PAK6: variants seen among roughly 807,000 people sequenced by gnomAD.
PAK6 encodes serine/threonine-protein kinase PAK 6.
In PAK6, 33 loss-of-function variants were observed where a neutral mutation model predicts 60.8. The observed-to-expected ratio is 0.54, with a 90% confidence interval of 0.41 to 0.73. The LOEUF (loss-of-function observed/expected upper bound fraction) is 0.73. Ranked by LOEUF, PAK6 falls within the 30% of genes least tolerant of loss-of-function variation. PAK6 has a pLI of 0.00. For missense variants in PAK6, 845 were observed against 904.1 expected, an observed-to-expected ratio of 0.93 and a Z score of 0.84; for synonymous variants, 404 against 378.5, an observed-to-expected ratio of 1.07 and a Z score of -0.78.
chr15:40,270,074 C>T (rs2039260047), intron 5 of PAK6, among the ~76,000 whole-genome samples: 1 of 152,178 alleles, frequency 6.6e-6, no homozygotes, highest in South Asian at 2.1e-4. Flanking sequence ...GCCTGGAGAG[C>T]ATGTTTTCTG....
chr15:40,261,153 G>A (rs1319773052), intron 3 of PAK6, among the ~76,000 whole-genome samples: 1 of 151,652 alleles, frequency 6.6e-6, no homozygotes, highest in Non-Finnish European at 1.5e-5. Flanking sequence ...CTCCCAAAGT[G>A]CTGGGATTAC....
chr15:40,263,014 C>CA lies in PAK6; in HGVS notation c.-5-1765dup, dbSNP rs568123917. Among the ~76,000 whole-genome samples the CA allele has an allele frequency of 1.2e-3, 186 of 152,270 alleles. 1 individual carries two copies. Among genetic ancestry groups the CA allele is most frequent in the East Asian group, 0.011 (58 of 5,182 alleles). ...GGGGTGTTCGGTGGATCCCGAACCT[C>CA]AAGACCCAGAAGCATGGCTGACATT... On this transcript the variant is annotated intron_variant, in intron 3 of 10. Coordinates refer to ENST00000560346, the Ensembl canonical transcript of PAK6.
At chr15:40,257,246 A>G (rs1229145833) in intron 3 of PAK6, among the ~76,000 whole-genome samples, 1 of 152,216 alleles carries the variant, frequency 6.6e-6, no homozygotes, top group Non-Finnish European at 1.5e-5. Context: ...CTTCATTTCT[A>G]ACAGCTTCCC....
At position 40,276,134 on chromosome 15, in the gene PAK6, G is replaced by A. The variant is rs370753710; in HGVS notation, c.*40G>A. 1.6e-5 allele frequency: 25 copies of A among 1,583,956 alleles called. No individual in the cohort carries two copies. The African/African-American group carries it at 3.2e-4, about 20-fold the overall frequency. On this transcript the variant is annotated 3_prime_UTR_variant, in exon 11 of 11. Transcript: ENST00000560346. ...TGCCTGCCACCTACGCCCACAGGCA[G>A]GGCACACTGGGCAGCCAGCCTGCCG...
chr15:40,252,194 GCGGCCCGCTCAGGTCCGGGAGAGT>G, intron 2 of PAK6: 2 of 1,055,762 alleles, frequency 1.9e-6, no homozygotes, highest in East Asian at 6.5e-5. Flanking sequence ...GTGGGCACAC[GCGGCCCGCTCAGGTCCGGGAGAGT>G]CGGCCCGCGG....
At chr15:40,246,565 T>C (rs958219759) in intron 2 of PAK6, 1 of 151,674 alleles carries the variant, frequency 6.6e-6, no homozygotes, top group Non-Finnish European at 1.5e-5. Context: ...GAGGAGAGGG[T>C]GGTCAGGACA....
At chr15:40,261,094 T>C (rs549078754) in intron 3 of PAK6, among the ~76,000 whole-genome samples, 2 of 151,882 alleles carry the variant, frequency 1.3e-5, no homozygotes, top group African/African-American at 2.4e-5. Flanking sequence ...TTCACCGTGT[T>C]AGCCAGGATG....
At chr15:40,258,041 A>G (rs1408131374) in intron 3 of PAK6, among the ~76,000 whole-genome samples, 1 of 152,154 alleles carries the variant, frequency 6.6e-6, no homozygotes, top group Non-Finnish European at 1.5e-5. Flanking sequence ...CTTTTCCTAG[A>G]TGCCAGGCCC....
chr15:40,262,090 T>C (rs1363485612), intron 3 of PAK6, among the ~76,000 whole-genome samples: 1 of 152,192 alleles, frequency 6.6e-6, no homozygotes, highest in African/African-American at 2.4e-5. Context: ...CTTCTTCAGC[T>C]GCAGTCTGTG....
chr15:40,242,613 G>C (rs2038385820), intron 2 of PAK6, among the ~76,000 whole-genome samples: 1 of 152,212 alleles, frequency 6.6e-6, no homozygotes, highest in African/African-American at 2.4e-5. Context: ...GGAAGCTTCT[G>C]AGGGCAGAAT....
intron 2 of PAK6, chr15:40,246,123 A>T (rs1302607404): frequency 6.6e-6 from 1 of 152,112 alleles, no homozygotes; most frequent in Non-Finnish European, 1.5e-5. Context: ...CTAATTTATA[A>T]ATTGATTGAT....
intron 2 of PAK6, chr15:40,246,016 C>T (rs2038486123): frequency 6.6e-6 from 1 of 152,392 alleles, no homozygotes; most frequent in South Asian, 2.1e-4. Context: ...ACAGCCCAGC[C>T]CACGCTTGTC....
In PAK6 at chr15:40,268,836, G is replaced by A. The variant is rs147589493; in HGVS notation, c.858+2341G>A. ...GGCAAACATTGGTTAAGCACCTACC[G>A]TGTACTCCGATATATGTCAAGGATA... On this transcript the variant is annotated intron_variant, in intron 5 of 10. Coordinates refer to ENST00000560346, the Ensembl canonical transcript of PAK6. Among the ~76,000 whole-genome samples, 1,397 of 152,296 alleles carry A rather than the reference G, an allele frequency of 9.2e-3. 7 individuals carry two copies. The highest frequency in any genetic ancestry group is 0.014 in the Non-Finnish European group (959 of 68,020).
chr15:40,252,733 G>A (rs1309845260), intron 2 of PAK6: 1 of 1,302,892 alleles, frequency 7.7e-7, no homozygotes, highest in Non-Finnish European at 1.0e-6. Context: ...GCGAGAGGAC[G>A]GGCCTCCCAA....
chr15:40,253,902 T>C (rs896277688), intron 3 of PAK6, among the ~76,000 whole-genome samples: 1 of 152,126 alleles, frequency 6.6e-6, no homozygotes, highest in Non-Finnish European at 1.5e-5. Context: ...TTGGGGGCTT[T>C]TCTGACTTGT....
intron 9 of PAK6, 70 bp downstream of exon 9, chr15:40,273,746 C>G: frequency 1.9e-6 from 3 of 1,567,442 alleles, no homozygotes; most frequent in Non-Finnish European, 2.6e-6. Context: ...CTGCTGTGGC[C>G]CCTCCAGTGA....
intron 4 of PAK6, 117 bp downstream of exon 4, chr15:40,265,106 C>T (rs1595591149): frequency 2.1e-6 from 2 of 953,614 alleles, no homozygotes; most frequent in Non-Finnish European, 3.1e-6. Flanking sequence ...ATCAGTTAAT[C>T]AGCTGTTTTA....
rs1399526344 is a variant in PAK6, at chr15:40,248,605, C to T, written c.-117-4573C>T. On this transcript the variant is annotated intron_variant, in intron 2 of 10. Transcript: ENST00000560346. ...GGCTTGTGGCCAGGAAAGCCTAGCACCTGATTCCTAGCAGGGAACTCAGTG... is the reference window on the plus strand; with the variant it reads ...GGCTTGTGGCCAGGAAAGCCTAGCATCTGATTCCTAGCAGGGAACTCAGTG... 2.6e-5 allele frequency among the ~76,000 whole-genome samples: 4 copies of T among 152,200 alleles called. No individual in the cohort carries two copies. The East Asian group carries it at 5.8e-4, about 22-fold the overall frequency.
intron 3 of PAK6, among the ~76,000 whole-genome samples, chr15:40,256,451 G>A (rs2038836893): frequency 6.6e-6 from 1 of 152,194 alleles, no homozygotes; most frequent in Non-Finnish European, 1.5e-5. Flanking sequence ...GCATGTCAGG[G>A]CCCAGCCCTG....
Sources: gnomAD v4.1 joint callset for allele counts (sites outside exome capture counted in the v4.1 genomes callset) on GRCh38, gnomAD v4.1.1 for gene constraint, MANE v1.5 for transcripts, NCBI Gene and HGNC (gene_info 2026-07-23, HGNC 2026-07-21) for gene names.